SNX29: variants seen among roughly 807,000 people sequenced by gnomAD.
SNX29 encodes the protein sorting nexin-29.
SNX29 carries 78 observed loss-of-function variants against 102.1 expected under a neutral mutation model. The observed-to-expected ratio is 0.76, with a 90% CI of 0.64 to 0.92. The LOEUF (loss-of-function observed/expected upper bound fraction) is 0.92. Ranked by LOEUF, SNX29 falls within the 40% of genes least tolerant of loss-of-function variation. The probability of loss-of-function intolerance (pLI) is 0.00; values close to 1 mark genes in which losing one functional copy is unlikely to be tolerated. For synonymous variants in SNX29, 580 were observed against 414.5 expected (o/e 1.40, Z -4.85); for missense variants, 1,280 against 1,061.7 (o/e 1.21, Z -2.86).
chr16:12,199,524 C>A, intron 13 of SNX29, 77 bp from the exon 14 acceptor site: 1 of 1,275,484 alleles, frequency 7.8e-7, no homozygotes, highest in Non-Finnish European at 1.1e-6. Context: ...AAATTCACCA[C>A]CCACCCCTGC....
chr16:12,267,698 C>A (rs117223155), intron 14 of SNX29, among the ~76,000 whole-genome samples: 4 of 152,162 alleles, frequency 2.6e-5, no homozygotes, highest in African/African-American at 9.7e-5. Context: ...GTTGGGTAAC[C>A]GCATTCCTCG....
intron 12 of SNX29, 43 bp from the exon 13 acceptor site, chr16:12,129,587 C>T: frequency 1.3e-6 from 2 of 1,572,992 alleles, no homozygotes; most frequent in Non-Finnish European, 8.7e-7. Context: ...TCAGTGGGGT[C>T]TGGGTTGACA....
rs2056342359 is a variant in SNX29 at position 12,003,026 on chromosome 16, C to T, written c.105C>T (p.Ala35=). ...GCTTTGGAGGGAGAAAGGAGATTGC[C>T]TCGGATTCCGACAGCAGGTAAATAT... ...QIRFGGRKEI[A]SDSDSRVTCL... is the part of the protein sequence containing the mutation. Residue 35 remains alanine, a synonymous_variant, in exon 3 of 21, where the codon GCC becomes GCT. Transcript: ENST00000566228. 1.9e-6 allele frequency: 3 copies of T among 1,614,180 alleles called. No individual in the cohort carries two copies. Among genetic ancestry groups the T allele is most frequent in the East Asian group, 2.2e-5 (1 of 44,890 alleles).
chr16:12,553,309 C>T (rs865827366), intron 20 of SNX29, among the ~76,000 whole-genome samples: 1 of 152,152 alleles, frequency 6.6e-6, no homozygotes, highest in African/African-American at 2.4e-5. Context: ...GGCACCTGGC[C>T]CTGGGAAACG....
rs973788522 is a variant in SNX29 at position 12,398,630 on chromosome 16, T to C, written c.1955+129T>C. 27 of 1,054,224 alleles carry C rather than the reference T, an allele frequency of 2.6e-5. No individual in the cohort carries two copies. In the African/African-American group the frequency reaches 3.3e-4, roughly 13 times the overall value. 65.3% of individuals were successfully genotyped at this position (1,054,224 alleles called of 1,614,324 possible). ...ACCCACACAAGGTTGATGTGGTTCT[T>C]GTAGAGCTGGTAGGAGTCGCTCTCC... On this transcript the variant is annotated intron_variant, in intron 17 of 20. Coordinates refer to ENST00000566228, the MANE Select transcript of SNX29 (RefSeq NM_032167.5).
At chr16:12,427,637 G>A (rs538125957) in intron 18 of SNX29, among the ~76,000 whole-genome samples, 20 of 152,306 alleles carry the variant, frequency 1.3e-4, no homozygotes, top group African/African-American at 4.3e-4. Context: ...CATGCTTGGA[G>A]GTTAATAAAA....
chr16:12,011,519 C>A (rs889437487), intron 3 of SNX29, among the ~76,000 whole-genome samples: 2 of 152,128 alleles, frequency 1.3e-5, no homozygotes, highest in Non-Finnish European at 2.9e-5. Flanking sequence ...AGGTGATCCA[C>A]CCTTCTTGGC....
intron 15 of SNX29, among the ~76,000 whole-genome samples, chr16:12,347,776 A>G (rs775785964): frequency 6.6e-6 from 1 of 152,114 alleles, no homozygotes; most frequent in African/African-American, 2.4e-5. Context: ...TCATTTGACA[A>G]ATAAGATACC....
At chr16:12,179,725 C>T (rs575611493) in intron 13 of SNX29, among the ~76,000 whole-genome samples, 1 of 152,302 alleles carries the variant, frequency 6.6e-6, no homozygotes, top group East Asian at 1.9e-4. Context: ...TTGATGGTTA[C>T]AGTATTCCCA....
intron 13 of SNX29, among the ~76,000 whole-genome samples, chr16:12,183,159 T>C (rs1033094863): frequency 6.6e-6 from 1 of 152,016 alleles, no homozygotes; most frequent in Admixed American, 6.5e-5. Context: ...GCCACCACAC[T>C]GGGCTAATTT....
At chr16:12,515,405 A>G (rs2089819116) in intron 19 of SNX29, 1 of 428,884 alleles carries the variant, frequency 2.3e-6, no homozygotes, top group Non-Finnish European at 4.7e-6. Flanking sequence ...GGAGAGCTGA[A>G]TGAGAGGATG....
At chr16:12,234,407 T>C (rs1292111370) in intron 14 of SNX29, among the ~76,000 whole-genome samples, 1 of 152,184 alleles carries the variant, frequency 6.6e-6, no homozygotes, top group Non-Finnish European at 1.5e-5. Flanking sequence ...TTAATTTGTT[T>C]AGTTGTCTTT....
intron 4 of SNX29, 106 bp from the exon 5 acceptor site, chr16:12,042,791 G>C (rs1596672980): frequency 8.8e-7 from 1 of 1,142,820 alleles, no homozygotes; most frequent in East Asian, 2.4e-5. Flanking sequence ...ATGCTAAGGG[G>C]ATACTCTGTT....
intron 13 of SNX29, among the ~76,000 whole-genome samples, chr16:12,162,749 G>A (rs141426195): frequency 7.4e-4 from 113 of 152,332 alleles, no homozygotes; most frequent in African/African-American, 2.6e-3. Context: ...GGCCTGGCTC[G>A]TAGGAGGTGC....
At chr16:12,062,377 A>AAAATAAATAAAT (rs34207508) in intron 9 of SNX29, among the ~76,000 whole-genome samples, 480 of 137,700 alleles carry the variant, frequency 3.5e-3, no homozygotes, top group African/African-American at 7.0e-3. Flanking sequence ...ACTCTGTCTC[A>AAAATAAATAAAT]AAATAAATAA....
intron 18 of SNX29, among the ~76,000 whole-genome samples, chr16:12,456,345 C>T (rs1186797946): frequency 6.6e-6 from 1 of 152,178 alleles, no homozygotes; most frequent in South Asian, 2.1e-4. Context: ...TGTAAACAGA[C>T]AGTGTCAACC....
chr16:12,088,127 G>T (rs754981742), intron 11 of SNX29: 1 of 456,654 alleles, frequency 2.2e-6, no homozygotes, highest in African/African-American at 2.0e-5. Context: ...AGGCTGCAGG[G>T]CACCAGCTCA....
At chr16:12,167,300 G>A (rs4781190) in intron 13 of SNX29, among the ~76,000 whole-genome samples, 30,490 of 152,040 alleles carry the variant, frequency 0.2, 3,165 homozygotes, top group East Asian at 0.27. Flanking sequence ...GAGCTCTGCC[G>A]CCGATGCAGA....
intron 15 of SNX29, among the ~76,000 whole-genome samples, chr16:12,296,731 T>G (rs1046749967): frequency 6.6e-6 from 1 of 152,238 alleles, no homozygotes; most frequent in Admixed American, 6.5e-5. Context: ...AGCTGCTGTT[T>G]TGAGTGCCAG....
Sources: allele counts gnomAD v4.1 joint callset (sites outside exome capture counted in the v4.1 genomes callset), GRCh38; gene constraint gnomAD v4.1.1; transcripts MANE v1.5; gene names NCBI Gene and HGNC (gene_info 2026-07-23, HGNC 2026-07-21).